COQ7: variants seen among roughly 807,000 people sequenced by gnomAD.
COQ7 encodes the protein NADPH-dependent 3-demethoxyubiquinone 3-hydroxylase, mitochondrial.
COQ7 carries 21 observed loss-of-function variants against 25.0 expected under a neutral mutation model. That is an observed-to-expected ratio of 0.84 (90% CI 0.60 to 1.21). The LOEUF is 1.21. Among genes scored for constraint, COQ7 ranks in the 50% most tolerant of loss-of-function variants. The pLI is 0.00. For missense variants in COQ7, 311 were observed against 296.2 expected (o/e 1.05, Z -0.37); for synonymous variants, 125 against 112.4 (o/e 1.11, Z -0.71).
At chr16:19,076,002 C>A in intron 4 of COQ7, 142 bp downstream of exon 4, 1 of 1,095,832 alleles carries the variant, frequency 9.1e-7, no homozygotes, top group South Asian at 1.5e-5. Context: ...TAAAGGTGAG[C>A]AAACTGAGGA....
intron 1 of COQ7, chr16:19,068,177 G>C: frequency 9.7e-7 from 1 of 1,031,690 alleles, no homozygotes; most frequent in Non-Finnish European, 1.2e-6. Context: ...AGATTCTCGG[G>C]CCCCACCCCG....
intron 1 of COQ7, chr16:19,067,939 C>G (rs990657630): frequency 6.9e-7 from 1 of 1,453,394 alleles, no homozygotes; most frequent in African/African-American, 1.4e-5. Flanking sequence ...GACAGGAGGA[C>G]AGGGGTTGTT....
chr16:19,070,850 C>T (rs1962519171), intron 1 of COQ7, among the ~76,000 whole-genome samples: 1 of 151,978 alleles, frequency 6.6e-6, no homozygotes, highest in Admixed American at 6.6e-5. Flanking sequence ...GAGGTGAATA[C>T]ACCTTACACA....
rs918638396 is a variant in COQ7 at position 19,078,401 on chromosome 16, G to A, written c.*243G>A. The A allele has an allele frequency of 2.5e-5, 8 of 323,472 alleles. No individual in the cohort carries two copies. The highest frequency in any genetic ancestry group is 1.7e-4 in the African/African-American group (8 of 46,622). 20.0% of individuals were successfully genotyped at this position (323,472 alleles called of 1,614,324 possible). A position where few individuals can be genotyped will look rare whatever the true frequency, so the allele number is the denominator to read the frequency against. ...GTTACAGCAAACGAAGCTGGGCCTT[G>A]TTTGGTCTCATACTTAATTTTCTTT... is the stretch of plus-strand genomic sequence containing the variant. On this transcript the variant is annotated 3_prime_UTR_variant, in exon 6 of 6. Coordinates refer to ENST00000321998, the MANE Select transcript of COQ7 (RefSeq NM_016138.5).
chr16:19,071,878 A>G (rs1279846633), intron 1 of COQ7, 50 bp from the exon 2 acceptor site: 1 of 1,604,454 alleles, frequency 6.2e-7, no homozygotes, highest in Non-Finnish European at 8.5e-7. Context: ...TGTAAAAGGA[A>G]CATCTGGATT....
chr16:19,070,901 A>G (rs368870967), intron 1 of COQ7, among the ~76,000 whole-genome samples: 1 of 152,206 alleles, frequency 6.6e-6, no homozygotes. Flanking sequence ...AGGGAAAAAA[A>G]CCTTTTGAGT....
chr16:19,070,491 G>T (rs1429644977), intron 1 of COQ7, among the ~76,000 whole-genome samples: 1 of 152,028 alleles, frequency 6.6e-6, no homozygotes, highest in Non-Finnish European at 1.5e-5. Flanking sequence ...CCAGCACTTT[G>T]GGAAGCCAAG....
rs1321660320 is a variant in COQ7 at position 19,072,121 on chromosome 16, A to T, written c.252+15A>T. 13 of 1,613,724 alleles carry T rather than the reference A, an allele frequency of 8.1e-6. No individual in the cohort carries two copies. In the South Asian group the frequency reaches 9.9e-5, roughly 12 times the overall value. ...CAGTCATTCAGGTGGGTGCTTCTTC[A>T]TCTCCCTCACCCTGGTCTACTGAAT... On this transcript the variant is annotated intron_variant, in intron 2 of 5. Transcript: ENST00000321998.
chr16:19,077,794 G>C (rs116445775), intron 5 of COQ7, among the ~76,000 whole-genome samples: 1 of 151,714 alleles, frequency 6.6e-6, no homozygotes, highest in Non-Finnish European at 1.5e-5. Flanking sequence ...AGTTTTCACT[G>C]TGTTGGCCAG....
intron 1 of COQ7, among the ~76,000 whole-genome samples, chr16:19,070,749 C>CA (rs935274619): frequency 5.2e-3 from 676 of 130,866 alleles, no homozygotes; most frequent in African/African-American, 9.2e-3. Flanking sequence ...GAGTCTGTCT[C>CA]AAAAAAAAAA....
intron 4 of COQ7, among the ~76,000 whole-genome samples, chr16:19,076,254 A>ATTTT (rs765074767): frequency 0.12 from 14,525 of 120,418 alleles, 993 homozygotes; most frequent in South Asian, 0.16. Flanking sequence ...CTCACAGCTA[A>ATTTT]TTTTTTTTTT....
At chr16:19,081,082 C>T (rs1037353213), downstream of COQ7, among the ~76,000 whole-genome samples, 11 of 152,268 alleles carry the variant, frequency 7.2e-5, no homozygotes, top group East Asian at 1.9e-3. Flanking sequence ...TAACTTTTTG[C>T]TTAAAACTTT....
intron 5 of COQ7, 66 bp from the exon 6 acceptor site, chr16:19,078,014 GC>G: frequency 8.1e-7 from 1 of 1,238,836 alleles, no homozygotes; most frequent in South Asian, 1.4e-5. Context: ...TGCCCTGCCA[GC>G]CCTGAATCTT....
intron 3 of COQ7, among the ~76,000 whole-genome samples, chr16:19,074,839 C>T (rs1248424249): frequency 1.3e-5 from 2 of 152,092 alleles, no homozygotes; most frequent in African/African-American, 4.8e-5. Flanking sequence ...GGCACTGCAC[C>T]TGGCCTAATG....
At chr16:19,082,832 A>T (rs974273628), downstream of COQ7, among the ~76,000 whole-genome samples, 1 of 151,568 alleles carries the variant, frequency 6.6e-6, no homozygotes, top group South Asian at 2.1e-4. Context: ...AAACATGCTA[A>T]GTGAAAGAAG....
In COQ7 at chr16:19,078,287, T is replaced by G. The variant is rs886245958; in HGVS notation, c.*129T>G. 1.4e-6 allele frequency: 1 copy of G among 730,392 alleles called. No homozygotes were observed. The highest frequency in any genetic ancestry group is 2.0e-6 in the Non-Finnish European group (1 of 498,584). 45.2% of individuals were successfully genotyped at this position (730,392 alleles called of 1,614,324 possible). ...AATTTTGTTAATAAATTATAAGGTT[T>G]GTTTTTTTTTTTTTAAACTCTGCAG... On this transcript the variant is annotated 3_prime_UTR_variant, in exon 6 of 6. Transcript: ENST00000321998.
intron 2 of COQ7, among the ~76,000 whole-genome samples, chr16:19,073,277 C>G (rs2142375885): frequency 6.6e-6 from 1 of 151,732 alleles, no homozygotes; most frequent in African/African-American, 2.4e-5. Context: ...CCACTGCACT[C>G]CAGCCTGGGC....
chr16:19,072,128 T>G, intron 2 of COQ7, 22 bp downstream of exon 2: 1 of 1,613,662 alleles, frequency 6.2e-7, no homozygotes, highest in Non-Finnish European at 8.5e-7. Flanking sequence ...TTCATCTCCC[T>G]CACCCTGGTC....
intron 2 of COQ7, among the ~76,000 whole-genome samples, chr16:19,073,308 C>CAAAAAAAACA (rs71374455): frequency 7.2e-6 from 1 of 138,992 alleles, no homozygotes; most frequent in Non-Finnish European, 1.6e-5. Context: ...GACTCCGTCT[C>CAAAAAAAACA]AAAAAAACAA....
Sources: allele counts gnomAD v4.1 joint callset (sites outside exome capture counted in the v4.1 genomes callset), GRCh38; gene constraint gnomAD v4.1.1; transcripts MANE v1.5; gene names NCBI Gene and HGNC (gene_info 2026-07-23, HGNC 2026-07-21).